GNB4: variants seen among roughly 807,000 people sequenced by gnomAD.
GNB4 encodes the protein G protein subunit beta 4.
Under a neutral mutation model 45.2 loss-of-function variants are expected in GNB4, and 28 were observed. The ratio of observed to expected loss-of-function variants is 0.62; its 90% CI spans 0.46 to 0.85. The LOEUF (loss-of-function observed/expected upper bound fraction) is 0.85, where lower values mean the gene tolerates loss of function less well. Among genes scored for constraint, GNB4 ranks in the 40% least tolerant of loss-of-function variants. The probability of loss-of-function intolerance (pLI) is 0.00; values close to 1 mark genes in which losing one functional copy is unlikely to be tolerated. For synonymous variants in GNB4, 132 were observed against 143.7 expected (o/e 0.92, Z 0.58); for missense variants, 321 against 425.4 (o/e 0.75, Z 2.16).
chr3:179,467,067 G>A, the GNB4 span, among the ~76,000 whole-genome samples: 1 of 152,170 alleles, frequency 6.6e-6, no homozygotes, highest in African/African-American at 2.4e-5. Flanking sequence ...TGGCTGGAGT[G>A]CAGTGGTCTG....
chr3:179,407,738 T>A (rs1325253542), intron 8 of GNB4, among the ~76,000 whole-genome samples: 1 of 151,096 alleles, frequency 6.6e-6, no homozygotes, highest in Non-Finnish European at 1.5e-5. Context: ...TGAGTACCGA[T>A]CAGCAGAGCC....
rs371587505 is a variant in GNB4, at chr3:179,405,350, G to C, written c.756C>G (p.Leu252=). Residue 252 remains leucine (L), a synonymous_variant, in exon 9 of 10, where the codon CTC becomes CTG. Coordinates refer to ENST00000232564, the MANE Select transcript of GNB4 (RefSeq NM_021629.4). Reference sequence around the variant, plus strand: ...ACTCTTGATCTGCACGAAGGTCAAAGAGCCGGCAAGTGGCATCATCAGAGC... The same window carrying C: ...ACTCTTGATCTGCACGAAGGTCAAACAGCCGGCAAGTGGCATCATCAGAGC... ...ATGSDDATCR[L]FDLRADQELL... 2 of 1,614,038 alleles carry C rather than the reference G, an allele frequency of 1.2e-6. No homozygotes were observed. The highest frequency in any genetic ancestry group is 1.7e-6 in the Non-Finnish European group (2 of 1,179,896).
chr3:179,485,322 T>C, the GNB4 span, among the ~76,000 whole-genome samples: 2 of 152,070 alleles, frequency 1.3e-5, no homozygotes, highest in African/African-American at 4.8e-5. Flanking sequence ...CATGGCAACT[T>C]TATAGAACAT....
rs1196632413 is a variant in GNB4 at position 179,400,301 on chromosome 3, A to C, written c.*912T>G. On this transcript the variant is annotated 3_prime_UTR_variant, in exon 10 of 10. Coordinates refer to ENST00000232564, the MANE Select transcript of GNB4 (RefSeq NM_021629.4). ...CACTGTCACATTGCATTTCCTCTCT[A>C]GATGTATACTGATAGCACTGGGAAA... is the stretch of plus-strand genomic sequence containing the variant. The C allele has an allele frequency of 1.3e-5, 2 of 152,192 alleles. No homozygotes were observed. The highest frequency in any genetic ancestry group is 2.9e-5 in the Non-Finnish European group (2 of 68,034). The allele number at this position is 152,192 out of a possible 1,614,324, so 9.4% of individuals were successfully genotyped here. A position where few individuals can be genotyped will look rare whatever the true frequency, so the allele number is the denominator to read the frequency against.
chr3:179,518,397 A>C, the GNB4 span, among the ~76,000 whole-genome samples: 1 of 150,380 alleles, frequency 6.6e-6, no homozygotes. Flanking sequence ...CTCGTCCCAA[A>C]TCTTCCTTCT....
At chr3:179,403,280 A>C (rs1359054473) in intron 9 of GNB4, among the ~76,000 whole-genome samples, 1 of 151,842 alleles carries the variant, frequency 6.6e-6, no homozygotes, top group Non-Finnish European at 1.5e-5. Context: ...CTAAAAATAA[A>C]GACAGGAAAC....
chr3:179,412,510 C>A (rs1231669126), intron 8 of GNB4, among the ~76,000 whole-genome samples: 1 of 152,068 alleles, frequency 6.6e-6, no homozygotes, highest in Non-Finnish European at 1.5e-5. Context: ...ATACCATTTA[C>A]TGAGCATCTA....
At chr3:179,494,305 G>A in the GNB4 span, among the ~76,000 whole-genome samples, 6 of 151,072 alleles carry the variant, frequency 4.0e-5, no homozygotes, top group Admixed American at 1.3e-4. Context: ...GAGAGAGGAA[G>A]GAAGGAAGGA....
intron 1 of GNB4, among the ~76,000 whole-genome samples, chr3:179,445,997 ATC>A (rs1435981857): frequency 2.6e-5 from 4 of 152,264 alleles, no homozygotes; most frequent in African/African-American, 9.6e-5. Flanking sequence ...AGTCAGTAGC[ATC>A]TGAGTGTAGA....
chr3:179,480,747 A>G, the GNB4 span, among the ~76,000 whole-genome samples: 4 of 152,178 alleles, frequency 2.6e-5, 1 homozygote, highest in East Asian at 7.7e-4. Context: ...TTTCTTGCCC[A>G]TAGAATTTAT....
At chr3:179,416,434 A>G (rs965945778) in intron 5 of GNB4, 59 bp downstream of exon 5, 1 of 976,798 alleles carries the variant, frequency 1.0e-6, no homozygotes, top group African/African-American at 1.7e-5. Flanking sequence ...TAAAGGAAAG[A>G]ACTGGTGAAC....
chr3:179,407,419 A>G (rs1714504456), intron 8 of GNB4, among the ~76,000 whole-genome samples: 1 of 152,212 alleles, frequency 6.6e-6, no homozygotes, highest in Admixed American at 6.5e-5. Flanking sequence ...AGATCATGCC[A>G]CTGCACTCCA....
the GNB4 span, among the ~76,000 whole-genome samples, chr3:179,495,193 G>A: frequency 2.2e-4 from 34 of 152,100 alleles, no homozygotes; most frequent in African/African-American, 7.5e-4. Flanking sequence ...TTAGAGACCA[G>A]TATGGGCAAG....
At chr3:179,470,726 G>A in the GNB4 span, among the ~76,000 whole-genome samples, 3 of 151,774 alleles carry the variant, frequency 2.0e-5, no homozygotes, top group Non-Finnish European at 4.4e-5. Context: ...TGTAGTTTTA[G>A]TAGAGACGGG....
chr3:179,410,960 T>C (rs1477396565), intron 8 of GNB4, among the ~76,000 whole-genome samples: 3 of 152,128 alleles, frequency 2.0e-5, no homozygotes, highest in East Asian at 3.8e-4. Context: ...ATAACCTAAA[T>C]AGCCCCATAT....
chr3:179,515,647 G>T, the GNB4 span, among the ~76,000 whole-genome samples: 1 of 152,196 alleles, frequency 6.6e-6, no homozygotes, highest in African/African-American at 2.4e-5. Context: ...TATACATGCA[G>T]GTCACAGGGG....
In GNB4 at chr3:179,401,164, C is replaced by T; in HGVS notation, c.*49G>A. On this transcript the variant is annotated 3_prime_UTR_variant, in exon 10 of 10. Coordinates refer to ENST00000232564, the MANE Select transcript of GNB4 (RefSeq NM_021629.4). ...ATTTTTTCACAGCTATAGGCTGTAG[C>T]ATTGATTTCTCCAGATATATCAATG... 1.5e-6 allele frequency: 2 copies of T among 1,309,634 alleles called. No homozygotes were observed. Among genetic ancestry groups the T allele is most frequent in the Non-Finnish European group, 2.2e-6 (2 of 917,284 alleles). The allele number at this position is 1,309,634 out of a possible 1,614,324, so 81.1% of individuals were successfully genotyped here. A position where few individuals can be genotyped will look rare whatever the true frequency, so the allele number is the denominator to read the frequency against.
At chr3:179,438,724 TA>T in intron 1 of GNB4, among the ~76,000 whole-genome samples, 1 of 152,244 alleles carries the variant, frequency 6.6e-6, no homozygotes, top group East Asian at 1.9e-4. Flanking sequence ...GGGAGAGGAC[TA>T]AAACAATCCA....
In GNB4 at chr3:179,400,118, C is replaced by T. The variant is rs41265409; in HGVS notation, c.*1095G>A. The stretch of plus-strand genomic sequence containing the variant: ...AGGGAAGAAATACTACAAAATGTTG[C>T]AAAACAGAACAAAAAGCTTAAAGGT... On this transcript the variant is annotated 3_prime_UTR_variant, in exon 10 of 10. Coordinates refer to ENST00000232564, the MANE Select transcript of GNB4 (RefSeq NM_021629.4). 7 of 152,210 alleles carry T rather than the reference C, an allele frequency of 4.6e-5. No individual in the cohort carries two copies. Among genetic ancestry groups the T allele is most frequent in the Non-Finnish European group, 8.8e-5 (6 of 67,994 alleles). 9.4% of individuals were successfully genotyped at this position (152,210 alleles called of 1,614,324 possible). A position where few individuals can be genotyped will look rare whatever the true frequency, so the allele number is the denominator to read the frequency against.
Sources: allele counts gnomAD v4.1 joint callset (sites outside exome capture counted in the v4.1 genomes callset), GRCh38; gene constraint gnomAD v4.1.1; transcripts MANE v1.5; gene names NCBI Gene and HGNC (gene_info 2026-07-23, HGNC 2026-07-21).